Variants in ARHGEF10L observed in about 807,000 individuals in gnomAD.
The protein encoded by ARHGEF10L is rho guanine nucleotide exchange factor 10-like protein.
ARHGEF10L carries 69 observed loss-of-function variants against 141.2 expected under a neutral mutation model. That is an observed-to-expected ratio of 0.49 (90% CI 0.40 to 0.60). ARHGEF10L has a LOEUF of 0.60. Among genes scored for constraint, ARHGEF10L ranks in the 20% least tolerant of loss-of-function variants. The probability of loss-of-function intolerance (pLI) is 0.00; values close to 1 mark genes in which losing one functional copy is unlikely to be tolerated. For synonymous variants in ARHGEF10L, 711 were observed against 718.5 expected (o/e 0.99, Z 0.17); for missense variants, 1,482 against 1,734.3 (o/e 0.85, Z 2.58).
intron 2 of ARHGEF10L, among the ~76,000 whole-genome samples, chr1:17,583,731 C>T (rs1015110142): frequency 3.3e-5 from 5 of 152,188 alleles, no homozygotes; most frequent in Non-Finnish European, 7.4e-5. Flanking sequence ...CCAGCAGATT[C>T]ACTTAGGCAA....
chr1:17,545,217 A>G (rs2076875997), intron 1 of ARHGEF10L, among the ~76,000 whole-genome samples: 1 of 152,236 alleles, frequency 6.6e-6, no homozygotes. Flanking sequence ...TTTATATCAC[A>G]GAAATTGGCA....
intron 4 of ARHGEF10L, among the ~76,000 whole-genome samples, chr1:17,592,967 G>GT (rs1272004009): frequency 6.6e-6 from 1 of 152,146 alleles, no homozygotes; most frequent in Non-Finnish European, 1.5e-5. Flanking sequence ...GGACAAGCTG[G>GT]TTTTTGTGTT....
intron 4 of ARHGEF10L, among the ~76,000 whole-genome samples, chr1:17,597,345 GC>G (rs1420486255): frequency 6.6e-6 from 1 of 152,156 alleles, no homozygotes; most frequent in Non-Finnish European, 1.5e-5. Flanking sequence ...AGACACGGCA[GC>G]CCTGCGTGGC....
chr1:17,534,590 G>A, the ARHGEF10L span, among the ~76,000 whole-genome samples: 1 of 143,514 alleles, frequency 7.0e-6, no homozygotes, highest in Admixed American at 6.9e-5. Flanking sequence ...CCCATTTTCT[G>A]ATTTTTTTTT....
At chr1:17,659,216 G>A (rs1171505988) in intron 25 of ARHGEF10L, among the ~76,000 whole-genome samples, 2 of 152,120 alleles carry the variant, frequency 1.3e-5, no homozygotes, top group Admixed American at 1.3e-4. Context: ...TGGTGGTCAC[G>A]CTCTCCCAGT....
chr1:17,606,941 T>G (rs1051836670), intron 6 of ARHGEF10L, among the ~76,000 whole-genome samples: 7 of 152,186 alleles, frequency 4.6e-5, no homozygotes, highest in East Asian at 1.9e-4. Flanking sequence ...TCCAGACTCT[T>G]AGCTTTTTGT....
intron 4 of ARHGEF10L, among the ~76,000 whole-genome samples, chr1:17,591,370 G>A (rs2079525275): frequency 1.3e-5 from 2 of 151,340 alleles, no homozygotes; most frequent in African/African-American, 2.4e-5. Context: ...AGCCTCCCGA[G>A]TAGCTGGGAC....
chr1:17,618,261 C>CCCCCCCCCCCCCA, intron 9 of ARHGEF10L: 34 of 1,344,978 alleles, frequency 2.5e-5, no homozygotes, highest in East Asian at 3.1e-5. Flanking sequence ...CAGCCCTCCC[C>CCCCCCCCCCCCCA]ACCCCGCCCA....
intron 26 of ARHGEF10L, among the ~76,000 whole-genome samples, 159 bp downstream of exon 26, chr1:17,664,754 T>A (rs2062861878): frequency 6.6e-6 from 1 of 152,210 alleles, no homozygotes; most frequent in Non-Finnish European, 1.5e-5. Flanking sequence ...AGGTCCCTAT[T>A]GGGCCTGACC....
rs559081481 is a variant in ARHGEF10L, at chr1:17,619,603, T to C, written c.942+158T>C. On this transcript the variant is annotated intron_variant, in intron 10 of 28. Coordinates refer to ENST00000361221, the MANE Select transcript of ARHGEF10L (RefSeq NM_018125.4). This position sits in a 1 kb window ranked among gnomAD's most constrained non-coding sequence, Gnocchi z 5.0. ...AGCTGGATAGGGGCCTCCTAGGTTC[T>C]CTCCTCAGCTATTGAACAGGCTTTC... 8.2e-3 allele frequency among the ~76,000 whole-genome samples: 1,245 copies of C among 152,216 alleles called. 21 individuals carry two copies. The highest frequency in any genetic ancestry group is 0.023 in the African/African-American group (951 of 41,536).
chr1:17,618,694 G>A (rs941277219), intron 9 of ARHGEF10L, among the ~76,000 whole-genome samples: 1 of 152,180 alleles, frequency 6.6e-6, no homozygotes, highest in Non-Finnish European at 1.5e-5. Context: ...ACCTTGCTCT[G>A]TTGGGGGCTG....
Position 17,607,213 on chromosome 1 carries a change from G to A in ARHGEF10L, c.434-589G>A, listed in dbSNP as rs1288065617. 6.6e-6 allele frequency among the ~76,000 whole-genome samples: 1 copy of A among 152,134 alleles called. No homozygotes were observed. The highest frequency in any genetic ancestry group is 1.5e-5 in the Non-Finnish European group (1 of 68,022). ...GGCTCGGCTGGGTGTGGTGGCTCACGCCTGTAACCCTGGCACTTTGGGAGG... is the reference window on the plus strand; with the variant it reads ...GGCTCGGCTGGGTGTGGTGGCTCACACCTGTAACCCTGGCACTTTGGGAGG... On this transcript the variant is annotated intron_variant, in intron 6 of 28. Coordinates refer to ENST00000361221, the MANE Select transcript of ARHGEF10L (RefSeq NM_018125.4). This position sits in a 1 kb window ranked among gnomAD's most constrained non-coding sequence, Gnocchi z 4.5.
intron 1 of ARHGEF10L, among the ~76,000 whole-genome samples, chr1:17,553,154 T>C (rs2077178880): frequency 1.3e-5 from 2 of 152,106 alleles, no homozygotes; most frequent in Admixed American, 1.3e-4. Context: ...CTCCTTTCAC[T>C]CCTCCAGGGC....
chr1:17,594,903 T>C (rs949849224), intron 4 of ARHGEF10L, among the ~76,000 whole-genome samples: 5 of 152,134 alleles, frequency 3.3e-5, no homozygotes, highest in Non-Finnish European at 7.3e-5. Context: ...TCATTGTCAC[T>C]GTCTCCAAAG....
At position 17,588,309 on chromosome 1, in the gene ARHGEF10L, G is replaced by A. The variant is rs1445469082; in HGVS notation, c.224-137G>A. On this transcript the variant is annotated intron_variant, in intron 3 of 28. Transcript: ENST00000361221. ...TGAGCCAGGGCTGGGGGAGGGAGGC[G>A]GGGCTCAGCAGGCACCCAGACTGGC... is the stretch of plus-strand genomic sequence containing the variant. The A allele has an allele frequency of 1.5e-5, 13 of 857,770 alleles. 1 individual carries two copies. The highest frequency in any genetic ancestry group is 6.6e-5 in the South Asian group (4 of 60,428). The allele number at this position is 857,770 out of a possible 1,614,324, so 53.1% of individuals were successfully genotyped here.
At position 17,615,801 on chromosome 1, in the gene ARHGEF10L, C is replaced by A. The variant is rs2059774392; in HGVS notation, c.727-293C>A. On this transcript the variant is annotated intron_variant, in intron 8 of 28. Transcript: ENST00000361221. The surrounding 1 kb of genome is among the most constrained non-coding windows in gnomAD (Gnocchi z 4.7). Reference sequence around the variant, plus strand: ...GCTCCAGGTCTCCAGCACCCCTCGGCCCCCTCCTCACCAGGTCACATCATC... The same window carrying A: ...GCTCCAGGTCTCCAGCACCCCTCGGACCCCTCCTCACCAGGTCACATCATC... 6.8e-6 allele frequency: 2 copies of A among 295,242 alleles called. No individual in the cohort carries two copies. The highest frequency in any genetic ancestry group is 2.1e-5 in the African/African-American group (1 of 47,040). The allele number at this position is 295,242 out of a possible 1,614,324, so 18.3% of individuals were successfully genotyped here.
At chr1:17,596,948 C>T (rs1273718261) in intron 4 of ARHGEF10L, among the ~76,000 whole-genome samples, 19 of 152,182 alleles carry the variant, frequency 1.2e-4, no homozygotes, top group Admixed American at 1.2e-3. Flanking sequence ...CCCTCCCTGC[C>T]CTGCTGCTCT....
At chr1:17,688,633 G>A (rs1026206082) in intron 27 of ARHGEF10L, among the ~76,000 whole-genome samples, 20 of 152,238 alleles carry the variant, frequency 1.3e-4, no homozygotes, top group African/African-American at 4.8e-4. Flanking sequence ...AACACAGCCC[G>A]TGTGGCAGGT....
At chr1:17,638,302 A>C (rs534433991) in intron 19 of ARHGEF10L, among the ~76,000 whole-genome samples, 2 of 151,996 alleles carry the variant, frequency 1.3e-5, no homozygotes, top group African/African-American at 4.8e-5. Flanking sequence ...CTGGGCCTCT[A>C]CCCAGTGTGG....
Sources: allele counts gnomAD v4.1 joint callset (sites outside exome capture counted in the v4.1 genomes callset), GRCh38; gene constraint gnomAD v4.1.1; non-coding constraint Gnocchi (gnomAD v3.1); transcripts MANE v1.5; gene names NCBI Gene and HGNC (gene_info 2026-07-23, HGNC 2026-07-21).